The following CNOT1 variants were observed in gnomAD, a reference collection of about 807,000 sequenced individuals.
CNOT1 encodes the protein CCR4-NOT transcription complex subunit 1.
In CNOT1, 15 loss-of-function variants were observed where a neutral mutation model predicts 273.8. The ratio of observed to expected loss-of-function variants is 0.05; its 90% CI spans 0.04 to 0.08. CNOT1 has a LOEUF of 0.08. Among genes scored for constraint, CNOT1 ranks in the 10% least tolerant of loss-of-function variants. The pLI, the probability that CNOT1 is intolerant of heterozygous loss-of-function variation, is 1.00. For missense variants in CNOT1, 1,644 were observed against 2,912.2 expected (o/e 0.56, Z 10.02); for synonymous variants, 1,022 against 1,005.5 (o/e 1.02, Z -0.31).
At chr16:58,577,836 CCT>C (rs1299662234) in intron 13 of CNOT1, among the ~76,000 whole-genome samples, 1 of 146,110 alleles carries the variant, frequency 6.8e-6, no homozygotes, top group Non-Finnish European at 1.5e-5. Flanking sequence ...CAAGCAAGAT[CCT>C]CTCTCTCAAA....
rs1290736266 is a variant in CNOT1, at chr16:58,560,356, A to C, written c.1986T>G (p.Val662=). ...GGATAGTTTCTGATAGCTCCTGAGA[A>C]ACACTCCTAAAATAGAGGGGAAAAG... is the stretch of plus-strand genomic sequence containing the variant. ...LACLQACAGS[V]SQELSETILT... The change falls in exon 17 of 49, where the codon GTT becomes GTG. Residue 662 remains valine, a synonymous_variant. Transcript: ENST00000317147. 3 of 1,613,922 alleles carry C rather than the reference A, an allele frequency of 1.9e-6. No homozygotes were observed. The highest frequency in any genetic ancestry group is 4.5e-5 in the East Asian group (2 of 44,890).
At chr16:58,578,117 G>A (rs896473969) in intron 13 of CNOT1, among the ~76,000 whole-genome samples, 1 of 152,122 alleles carries the variant, frequency 6.6e-6, no homozygotes, top group African/African-American at 2.4e-5. Flanking sequence ...GCATAAAAAG[G>A]AAAGTGATGC....
At chr16:58,591,080 A>G (rs564414584) in intron 2 of CNOT1, among the ~76,000 whole-genome samples, 1 of 152,318 alleles carries the variant, frequency 6.6e-6, no homozygotes, top group South Asian at 2.1e-4. Flanking sequence ...CTGTGAGCTG[A>G]GACAACCATA....
At chr16:58,523,839 C>T (rs1467973427) in intron 46 of CNOT1, 1 of 197,628 alleles carries the variant, frequency 5.1e-6, no homozygotes, top group Non-Finnish European at 1.0e-5. Context: ...CAGCTGGATT[C>T]TCATTTCTGC....
chr16:58,597,652 G>A lies in CNOT1; in HGVS notation c.102+1584C>T, dbSNP rs1011237271. 3.4e-5 allele frequency: 16 copies of A among 470,262 alleles called. No individual in the cohort carries two copies. The Middle Eastern group carries it at 5.2e-3, about 154-fold the overall frequency. The allele number at this position is 470,262 out of a possible 1,614,324, so 29.1% of individuals were successfully genotyped here. A position where few individuals can be genotyped will look rare whatever the true frequency, so the allele number is the denominator to read the frequency against. ...ACATGGAGAGATGCTATGCCAAAGAGGAAAGTCTGCAGGAACCATACAAGG... is the reference window on the plus strand; with the variant it reads ...ACATGGAGAGATGCTATGCCAAAGAAGAAAGTCTGCAGGAACCATACAAGG... On this transcript the variant is annotated intron_variant, in intron 2 of 48. Transcript: ENST00000317147.
At position 58,581,436 on chromosome 16, in the gene CNOT1, T is replaced by C. The variant is rs2041654863; in HGVS notation, c.1124A>G (p.His375Arg). ...GFQIRDSKGL[H>R]NVVYGIQRGL... Reference sequence around the variant, plus strand: ...CCTCTGAATGCCATAAACCACATTATGAAGTCCTTTACTGTCACGAATTTG... The same window carrying C: ...CCTCTGAATGCCATAAACCACATTACGAAGTCCTTTACTGTCACGAATTTG... Residue 375 changes from histidine (H) to arginine (R), a missense_variant, in exon 11 of 49, where the codon CAT (histidine) becomes CGT (arginine). This residue lies in a region of CNOT1 where 706 missense variants were observed against 1,021.2 expected (regional missense o/e 0.69). Coordinates refer to ENST00000317147, the MANE Select transcript of CNOT1 (RefSeq NM_016284.5). 6.2e-7 allele frequency: 1 copy of C among 1,614,112 alleles called. No individual in the cohort carries two copies.
At chr16:58,544,312 T>C (rs2040188957) in intron 30 of CNOT1, among the ~76,000 whole-genome samples, 1 of 152,172 alleles carries the variant, frequency 6.6e-6, no homozygotes, top group African/African-American at 2.4e-5. Flanking sequence ...ACTATTAAAA[T>C]TAATTCATCA....
In CNOT1 at chr16:58,527,943, C is replaced by T. The variant is rs1257469875; in HGVS notation, c.6453+532G>A. 1.1e-5 allele frequency: 3 copies of T among 268,852 alleles called. 1 individual carries two copies. The highest frequency in any genetic ancestry group is 1.2e-4 in the East Asian group (1 of 8,418). The allele number at this position is 268,852 out of a possible 1,614,324, so 16.7% of individuals were successfully genotyped here. ...CCAACCTGGCTGACATGGCGAAACC[C>T]CATCTCCACTAAACACATAATTAGC... On this transcript the variant is annotated intron_variant, in intron 44 of 48. Coordinates refer to ENST00000317147, the MANE Select transcript of CNOT1 (RefSeq NM_016284.5).
intron 6 of CNOT1, 37 bp from the exon 7 acceptor site, chr16:58,586,785 T>C: frequency 6.2e-7 from 1 of 1,605,008 alleles, no homozygotes. Flanking sequence ...CAAGTTACTT[T>C]TGCACCACAA....
At chr16:58,591,816 A>G (rs903495012) in intron 2 of CNOT1, among the ~76,000 whole-genome samples, 2 of 151,876 alleles carry the variant, frequency 1.3e-5, no homozygotes, top group Non-Finnish European at 2.9e-5. Flanking sequence ...TAGGTTTGAT[A>G]CACTCTAAGT....
intron 2 of CNOT1, among the ~76,000 whole-genome samples, chr16:58,593,568 G>A (rs1321286019): frequency 3.6e-5 from 5 of 139,820 alleles, no homozygotes; most frequent in African/African-American, 5.4e-5. Context: ...CGTCTCAAGG[G>A]AAAAAAAAAA....
chr16:58,607,721 C>CAAAAAAAAAAAAAAAAAAAA (rs71385179), intron 1 of CNOT1, among the ~76,000 whole-genome samples: 1 of 67,150 alleles, frequency 1.5e-5, no homozygotes, highest in African/African-American at 6.3e-5. Flanking sequence ...CAGCAAAACT[C>CAAAAAAAAAAAAAAAAAAAA]AAAAAAAAAA....
chr16:58,599,619 C>CA (rs2042392061), intron 1 of CNOT1, 108 bp from the exon 2 acceptor site: 1 of 461,248 alleles, frequency 2.2e-6, no homozygotes, highest in Non-Finnish European at 3.8e-6. Flanking sequence ...CAACTAGTTG[C>CA]AAATTAATAA....
In CNOT1 at chr16:58,558,445, T is replaced by C. The variant is rs745412060; in HGVS notation, c.2332+28A>G. The C allele has an allele frequency of 3.1e-6, 5 of 1,612,474 alleles. No homozygotes were observed. In the African/African-American group the frequency reaches 6.7e-5, roughly 22 times the overall value. On this transcript the variant is annotated intron_variant, in intron 18 of 48. Transcript: ENST00000317147. ...ATAACTAAGGCAAACTTATGAATAA[T>C]CCATGCTCTCATTTGCCTCCCCCTT...
chr16:58,520,446 C>G lies in CNOT1; in HGVS notation c.*512G>C, dbSNP rs970356633. ...CCCTTCCCATGTTCCTGGACATATCCAATTCTAGCACATCCACATTTTTAA... is the reference window on the plus strand; with the variant it reads ...CCCTTCCCATGTTCCTGGACATATCGAATTCTAGCACATCCACATTTTTAA... On this transcript the variant is annotated 3_prime_UTR_variant, in exon 49 of 49. Transcript: ENST00000317147. 5.0e-5 allele frequency: 8 copies of G among 159,530 alleles called. No individual in the cohort carries two copies. Among genetic ancestry groups the G allele is most frequent in the African/African-American group, 1.9e-4 (8 of 41,526 alleles). The allele number at this position is 159,530 out of a possible 1,614,324, so 9.9% of individuals were successfully genotyped here. A position where few individuals can be genotyped will look rare whatever the true frequency, so the allele number is the denominator to read the frequency against.
intron 1 of CNOT1, among the ~76,000 whole-genome samples, chr16:58,609,170 G>A (rs938382921): frequency 1.3e-5 from 2 of 152,022 alleles, no homozygotes; most frequent in Admixed American, 6.6e-5. Flanking sequence ...TCAGGAGTTC[G>A]AGACCAGCCT....
Position 58,555,313 on chromosome 16 carries a change from G to C in CNOT1, c.2829C>G (p.Arg943=). 6.2e-7 allele frequency: 1 copy of C among 1,614,152 alleles called. No homozygotes were observed. Among genetic ancestry groups the C allele is most frequent in the Non-Finnish European group, 8.5e-7 (1 of 1,180,030 alleles). The change falls in exon 21 of 49, where the codon CGC becomes CGG. Residue 943 remains arginine, a synonymous_variant. Transcript: ENST00000317147. Reference sequence around the variant, plus strand: ...AATACATTTTGGATCCAAAAGGCTTGCGTAAGGCTTCAAGAACATATCGTA... The same window carrying C: ...AATACATTTTGGATCCAAAAGGCTTCCGTAAGGCTTCAAGAACATATCGTA... The part of the protein sequence containing the change: ...LALRYVLEAL[R]KPFGSKMYYF...
chr16:58,618,322 A>G (rs537480948), intron 1 of CNOT1, among the ~76,000 whole-genome samples: 2 of 152,176 alleles, frequency 1.3e-5, no homozygotes, highest in East Asian at 1.9e-4. Flanking sequence ...GGCAGCTCAC[A>G]CCTGTAATCC....
At chr16:58,596,831 T>C (rs997524344) in intron 2 of CNOT1, among the ~76,000 whole-genome samples, 2 of 130,316 alleles carry the variant, frequency 1.5e-5, no homozygotes, top group East Asian at 2.6e-4. Flanking sequence ...GAGCTTGCAG[T>C]GAGCCAAGAT....
Sources: allele counts gnomAD v4.1 joint callset (sites outside exome capture counted in the v4.1 genomes callset), GRCh38; gene constraint gnomAD v4.1.1; regional missense constraint gnomAD v4.1.1; transcripts MANE v1.5; gene names NCBI Gene and HGNC (gene_info 2026-07-23, HGNC 2026-07-21).